Variants in C1QTNF7 observed in about 807,000 individuals in gnomAD.
The protein encoded by C1QTNF7 is complement C1q tumor necrosis factor-related protein 7.
C1QTNF7 carries 15 observed loss-of-function variants against 19.6 expected under a neutral mutation model. The observed-to-expected ratio is 0.76, with a 90% CI of 0.51 to 1.18. The LOEUF is 1.18. Among genes scored for constraint, C1QTNF7 ranks in the 50% most tolerant of loss-of-function variants. The pLI is 0.00. For missense variants in C1QTNF7, 324 were observed against 359.7 expected, an observed-to-expected ratio of 0.90 and a Z score of 0.80; for synonymous variants, 142 against 137.5, an observed-to-expected ratio of 1.03 and a Z score of -0.23.
chr4:15,344,574 C>A (rs184596974), intron 1 of C1QTNF7, among the ~76,000 whole-genome samples: 2 of 152,182 alleles, frequency 1.3e-5, no homozygotes, highest in Admixed American at 6.5e-5. Context: ...GCTAGTTGAC[C>A]TCTGAGGTCT....
chr4:15,415,144 CAA>C (rs1254991348), intron 1 of C1QTNF7, among the ~76,000 whole-genome samples: 1 of 152,148 alleles, frequency 6.6e-6, no homozygotes, highest in Non-Finnish European at 1.5e-5. Flanking sequence ...GTCTAAAATC[CAA>C]GACTCTTTGC....
At chr4:15,368,557 T>G (rs2109304500) in intron 1 of C1QTNF7, among the ~76,000 whole-genome samples, 1 of 152,336 alleles carries the variant, frequency 6.6e-6, no homozygotes, top group East Asian at 1.9e-4. Context: ...TTTCTGTCCT[T>G]GCGACAGTTT....
intron 1 of C1QTNF7, among the ~76,000 whole-genome samples, chr4:15,383,658 T>C (rs1276130754): frequency 6.6e-6 from 1 of 152,204 alleles, no homozygotes. Context: ...ATTGTTATTG[T>C]TCAGAAATAG....
At chr4:15,366,154 A>G (rs1050119803) in intron 1 of C1QTNF7, among the ~76,000 whole-genome samples, 14 of 152,322 alleles carry the variant, frequency 9.2e-5, no homozygotes, top group Admixed American at 3.9e-4. Context: ...TCACTCAAAG[A>G]TAAGATGAAC....
intron 1 of C1QTNF7, among the ~76,000 whole-genome samples, chr4:15,412,228 A>G (rs1001773512): frequency 1.2e-4 from 19 of 152,274 alleles, no homozygotes; most frequent in African/African-American, 3.9e-4. Flanking sequence ...TGAGTTGTAT[A>G]ATTATTTCAC....
At chr4:15,419,800 TA>T (rs1244069315) in intron 1 of C1QTNF7, 1 of 152,026 alleles carries the variant, frequency 6.6e-6, no homozygotes, top group Non-Finnish European at 1.5e-5. Flanking sequence ...ATCACATACA[TA>T]TATGCACACA....
At chr4:15,340,294 C>T (rs1052089314) in intron 1 of C1QTNF7, 1 of 1,457,660 alleles carries the variant, frequency 6.9e-7, no homozygotes, top group South Asian at 1.3e-5. Flanking sequence ...CTTAAGAAAG[C>T]TCCTTGTAAA....
upstream of C1QTNF7, among the ~76,000 whole-genome samples, chr4:15,424,671 C>A (rs1340585346): frequency 6.6e-6 from 1 of 152,224 alleles, no homozygotes; most frequent in Non-Finnish European, 1.5e-5. Flanking sequence ...ACAGCTGCCC[C>A]TGCACTCCTC....
At chr4:15,417,355 C>T (rs746110593) in intron 1 of C1QTNF7, among the ~76,000 whole-genome samples, 1 of 152,208 alleles carries the variant, frequency 6.6e-6, no homozygotes, top group South Asian at 2.1e-4. Context: ...AACTATCAAT[C>T]TGCTTTCTGT....
chr4:15,419,721 TA>T (rs1238085219), intron 1 of C1QTNF7, among the ~76,000 whole-genome samples: 4 of 152,198 alleles, frequency 2.6e-5, no homozygotes, highest in East Asian at 1.9e-4. Flanking sequence ...TATATGAGGT[TA>T]AAAAAATAGC....
chr4:15,436,715 T>A (rs906201927), intron 2 of C1QTNF7, among the ~76,000 whole-genome samples: 5 of 152,214 alleles, frequency 3.3e-5, no homozygotes, highest in African/African-American at 1.2e-4. Flanking sequence ...TCTGCAGTCC[T>A]TCAGGGTAAA....
At chr4:15,398,450 C>G (rs1190691729) in intron 1 of C1QTNF7, among the ~76,000 whole-genome samples, 1 of 151,944 alleles carries the variant, frequency 6.6e-6, no homozygotes, top group Non-Finnish European at 1.5e-5. Context: ...ACTGTACAAG[C>G]CTTGTCCTCC....
intron 1 of C1QTNF7, 120 bp downstream of exon 1, chr4:15,428,226 G>A (rs1029263013): frequency 1.7e-4 from 49 of 285,702 alleles, no homozygotes; most frequent in Non-Finnish European, 2.3e-4. Flanking sequence ...CCATAAAACT[G>A]AAGACCTAGC....
intron 1 of C1QTNF7, among the ~76,000 whole-genome samples, chr4:15,391,927 C>T (rs532414720): frequency 2.6e-5 from 4 of 152,048 alleles, no homozygotes; most frequent in Non-Finnish European, 5.9e-5. Flanking sequence ...GGCATTACAA[C>T]GTGGGTCTTA....
At chr4:15,424,382 T>C (rs1045689461), upstream of C1QTNF7, among the ~76,000 whole-genome samples, 1 of 152,208 alleles carries the variant, frequency 6.6e-6, no homozygotes, top group African/African-American at 2.4e-5. Flanking sequence ...TAGTAAGTGC[T>C]ACTTGTATGA....
chr4:15,368,866 T>C (rs1462242987), intron 1 of C1QTNF7, among the ~76,000 whole-genome samples: 2 of 152,242 alleles, frequency 1.3e-5, no homozygotes, highest in African/African-American at 4.8e-5. Flanking sequence ...AGCAAAGACT[T>C]GCAGAGTTCT....
intron 1 of C1QTNF7, among the ~76,000 whole-genome samples, chr4:15,357,365 A>C (rs1020924176): frequency 6.6e-6 from 1 of 152,164 alleles, no homozygotes; most frequent in Non-Finnish European, 1.5e-5. Flanking sequence ...TCCTTTCCCC[A>C]TTGCTTGTTT....
chr4:15,369,623 A>G (rs922260139), intron 1 of C1QTNF7, among the ~76,000 whole-genome samples: 32 of 152,246 alleles, frequency 2.1e-4, no homozygotes, highest in African/African-American at 7.7e-4. Flanking sequence ...AGTAAGAATG[A>G]CTTTGAAAAC....
At chr4:15,369,649 C>G (rs1370139539) in intron 1 of C1QTNF7, among the ~76,000 whole-genome samples, 1 of 152,042 alleles carries the variant, frequency 6.6e-6, no homozygotes, top group Non-Finnish European at 1.5e-5. Context: ...AATTAACAGC[C>G]CAACGAATAG....
Sources: allele counts gnomAD v4.1 joint callset (sites outside exome capture counted in the v4.1 genomes callset), GRCh38; gene constraint gnomAD v4.1.1; transcripts MANE v1.5; gene names NCBI Gene and HGNC (gene_info 2026-07-23, HGNC 2026-07-21).